The following ACBD6 variants were observed in gnomAD, a reference collection of about 807,000 sequenced individuals.
ACBD6 encodes acyl-CoA-binding domain-containing protein 6.
ACBD6 carries 28 observed loss-of-function variants against 37.2 expected under a neutral mutation model. The ratio of observed to expected loss-of-function variants is 0.75; its 90% CI spans 0.56 to 1.03. The LOEUF is 1.03. Ranked by LOEUF, ACBD6 falls within the 50% of genes least tolerant of loss-of-function variation. ACBD6 has a pLI of 0.00. For missense variants in ACBD6, 340 were observed against 337.4 expected (o/e 1.01, Z -0.06); for synonymous variants, 113 against 126.8 (o/e 0.89, Z 0.73).
chr1:180,350,752 A>G (rs925133008), intron 6 of ACBD6, among the ~76,000 whole-genome samples: 3 of 152,096 alleles, frequency 2.0e-5, no homozygotes, highest in African/African-American at 7.2e-5. Flanking sequence ...GTCTCCAACT[A>G]CGGTGCTCCC....
At chr1:180,493,247 C>CAAAAAAAAAAAAAAA (rs71121023) in intron 2 of ACBD6, among the ~76,000 whole-genome samples, 16 of 47,780 alleles carry the variant, frequency 3.3e-4, no homozygotes, top group African/African-American at 8.2e-4. Flanking sequence ...AATTCTGTCT[C>CAAAAAAAAAAAAAAA]AAAAAAAAAA....
intron 3 of ACBD6, among the ~76,000 whole-genome samples, chr1:180,436,536 T>C (rs1026576815): frequency 5.3e-5 from 8 of 152,212 alleles, no homozygotes. Flanking sequence ...TCTTGCGTTG[T>C]GTTTTTTTGC....
intron 1 of ACBD6, among the ~76,000 whole-genome samples, chr1:180,501,669 T>C (rs1245858956): frequency 2.6e-5 from 4 of 152,234 alleles, no homozygotes; most frequent in African/African-American, 9.6e-5. Context: ...TATATAGTTT[T>C]ATTAACTTTA....
chr1:180,484,999 G>GACGGGGGTTGCAGTGA (rs1557890170), intron 3 of ACBD6, among the ~76,000 whole-genome samples: 1 of 151,220 alleles, frequency 6.6e-6, no homozygotes, highest in Non-Finnish European at 1.5e-5. Flanking sequence ...GAACCCGGAA[G>GACGGGGGTTGCAGTGA]GCGGGGGTTG....
chr1:180,334,338 A>G (rs1387880056), intron 6 of ACBD6, among the ~76,000 whole-genome samples: 1 of 152,208 alleles, frequency 6.6e-6, no homozygotes, highest in Non-Finnish European at 1.5e-5. Flanking sequence ...ACGATCAGGC[A>G]GCAACATTTG....
intron 6 of ACBD6, among the ~76,000 whole-genome samples, chr1:180,329,705 G>GA (rs1339076943): frequency 6.6e-6 from 1 of 151,998 alleles, no homozygotes; most frequent in African/African-American, 2.4e-5. Flanking sequence ...TATTCAAATA[G>GA]AATCTGGAAT....
Position 180,416,880 on chromosome 1 carries a change from T to C in ACBD6, c.468-3409A>G, listed in dbSNP as rs183982407. ...CTCATGGCAAGACATATAAAGTCCA[T>C]TTAACTACAAAAATTATGGAAGGAA... On this transcript the variant is annotated intron_variant, in intron 4 of 7. Transcript: ENST00000367595. Among the ~76,000 whole-genome samples the C allele has an allele frequency of 2.1e-4, 32 of 152,288 alleles. No individual in the cohort carries two copies. The East Asian group carries it at 4.8e-3, about 23-fold the overall frequency.
At chr1:180,343,222 A>G (rs1652045204) in intron 6 of ACBD6, among the ~76,000 whole-genome samples, 1 of 152,072 alleles carries the variant, frequency 6.6e-6, no homozygotes, top group African/African-American at 2.4e-5. Context: ...GAAAGCATAA[A>G]AACACATAAC....
downstream of ACBD6, among the ~76,000 whole-genome samples, chr1:180,284,975 G>GA (rs1571315691): frequency 6.6e-6 from 1 of 151,864 alleles, no homozygotes; most frequent in Non-Finnish European, 1.5e-5. Context: ...AATACAGGGA[G>GA]AAAAAAAGAA....
intron 3 of ACBD6, among the ~76,000 whole-genome samples, chr1:180,437,250 T>G (rs949295426): frequency 6.6e-5 from 10 of 152,174 alleles, no homozygotes; most frequent in African/African-American, 1.9e-4. Flanking sequence ...GAGGGGGTCA[T>G]GGGAACCACA....
chr1:180,332,043 T>C (rs945678400), intron 6 of ACBD6, among the ~76,000 whole-genome samples: 5 of 152,208 alleles, frequency 3.3e-5, no homozygotes, highest in African/African-American at 1.2e-4. Flanking sequence ...TACCTCACAA[T>C]GGGTACCTTA....
intron 6 of ACBD6, among the ~76,000 whole-genome samples, chr1:180,354,206 T>C (rs1444648089): frequency 6.6e-6 from 1 of 152,250 alleles, no homozygotes; most frequent in Non-Finnish European, 1.5e-5. Context: ...AACAGCCTAA[T>C]TCCCAACAGA....
rs10707996 is a variant in ACBD6 at position 180,358,447 on chromosome 1, C to CA, written c.663+39068dup. On this transcript the variant is annotated intron_variant, in intron 6 of 7. Transcript: ENST00000367595. ...GTCTCAAAAACAACAACAACAACAACAAAAAAAAAAAACCTCACAGCATTT... is the reference window on the plus strand; with the variant it reads ...GTCTCAAAAACAACAACAACAACAACAAAAAAAAAAAAACCTCACAGCATTT... Among the ~76,000 whole-genome samples the CA allele has an allele frequency of 1.3e-4, 19 of 149,714 alleles. No individual in the cohort carries two copies. In the South Asian group the frequency reaches 3.2e-3, roughly 25 times the overall value.
intron 6 of ACBD6, among the ~76,000 whole-genome samples, chr1:180,358,923 T>C (rs1652737727): frequency 6.6e-6 from 1 of 152,212 alleles, no homozygotes; most frequent in Non-Finnish European, 1.5e-5. Flanking sequence ...TCTTCAGTAC[T>C]TACTGCACCA....
At chr1:180,297,129 C>T (rs1158526359) in intron 7 of ACBD6, among the ~76,000 whole-genome samples, 1 of 152,074 alleles carries the variant, frequency 6.6e-6, no homozygotes, top group Non-Finnish European at 1.5e-5. Flanking sequence ...TCTAACGGTA[C>T]TTAGGTAAAG....
chr1:180,482,538 G>T (rs1366699470), intron 3 of ACBD6, among the ~76,000 whole-genome samples: 1 of 151,458 alleles, frequency 6.6e-6, no homozygotes, highest in African/African-American at 2.4e-5. Flanking sequence ...GAGAACCAAG[G>T]TATTAACAAT....
At chr1:180,493,323 C>T (rs946924730) in intron 2 of ACBD6, among the ~76,000 whole-genome samples, 2 of 145,800 alleles carry the variant, frequency 1.4e-5, no homozygotes, top group Admixed American at 6.9e-5. Flanking sequence ...TTAGGGACTT[C>T]CTACAATATA....
At chr1:180,434,738 T>A in intron 3 of ACBD6, 1 of 547,632 alleles carries the variant, frequency 1.8e-6, no homozygotes, top group South Asian at 1.9e-5. Context: ...AGGAATAGAG[T>A]AAAACTACCT....
chr1:180,488,758 T>A (rs1651373067), intron 3 of ACBD6, among the ~76,000 whole-genome samples: 1 of 152,044 alleles, frequency 6.6e-6, no homozygotes, highest in South Asian at 2.1e-4. Context: ...GTTCTTTTTT[T>A]AAAATAGAGA....
Sources: gnomAD v4.1 joint callset for allele counts (sites outside exome capture counted in the v4.1 genomes callset) on GRCh38, gnomAD v4.1.1 for gene constraint, MANE v1.5 for transcripts, NCBI Gene and HGNC (gene_info 2026-07-23, HGNC 2026-07-21) for gene names.